Variants in KIAA0586 observed in about 807,000 individuals in gnomAD.
KIAA0586 encodes protein TALPID3.
A neutral mutation model predicts 169.8 loss-of-function variants in KIAA0586; 144 were observed. The observed-to-expected ratio is 0.85, with a 90% CI of 0.74 to 0.97. The LOEUF (loss-of-function observed/expected upper bound fraction) is 0.97, where lower values mean the gene tolerates loss of function less well. Among genes scored for constraint, KIAA0586 ranks in the 50% least tolerant of loss-of-function variants. KIAA0586 has a pLI of 0.00. For missense variants in KIAA0586, 1,854 were observed against 1,823.0 expected (o/e 1.02, Z -0.31); for synonymous variants, 625 against 612.4 (o/e 1.02, Z -0.30).
chr14:58,436,955 A>C (rs900085571), intron 4 of KIAA0586, among the ~76,000 whole-genome samples: 3 of 152,204 alleles, frequency 2.0e-5, no homozygotes, highest in Non-Finnish European at 4.4e-5. Flanking sequence ...TTTGGTCTTT[A>C]ATATAAGATA....
chr14:58,427,430 G>C, upstream of KIAA0586: 1 of 641,772 alleles, frequency 1.6e-6, no homozygotes, highest in Non-Finnish European at 2.6e-6. Context: ...AAGCGAAGCA[G>C]TGTCAACAGT....
At chr14:58,503,810 C>CAA (rs61688010) in intron 27 of KIAA0586, among the ~76,000 whole-genome samples, 1 of 60,620 alleles carries the variant, frequency 1.6e-5, no homozygotes, top group African/African-American at 5.5e-5. Flanking sequence ...GGGACAAAGG[C>CAA]AAAAAAAAAA....
chr14:58,470,782 A>G, intron 17 of KIAA0586, 59 bp downstream of exon 17: 1 of 788,080 alleles, frequency 1.3e-6, no homozygotes, highest in Non-Finnish European at 2.2e-6. Context: ...GATTTTAACT[A>G]ATTACTCCAT....
At chr14:58,463,122 T>C (rs1369166775) in intron 14 of KIAA0586, among the ~76,000 whole-genome samples, 2 of 15,112 alleles carry the variant, frequency 1.3e-4, no homozygotes, top group African/African-American at 2.7e-4. Context: ...TTCAGACACT[T>C]GCATGGTTCT....
At chr14:58,534,579 G>T (rs1047836267) in intron 29 of KIAA0586, among the ~76,000 whole-genome samples, 3 of 152,162 alleles carry the variant, frequency 2.0e-5, no homozygotes, top group Non-Finnish European at 4.4e-5. Context: ...AGTAAGCCCT[G>T]TGAGAGTTAA....
intron 27 of KIAA0586, 63 bp downstream of exon 27, chr14:58,499,023 A>T: frequency 7.2e-7 from 1 of 1,392,476 alleles, no homozygotes; most frequent in Admixed American, 2.9e-5. Context: ...AGTTGAGGAA[A>T]GTATACCTAT....
Position 58,456,771 on chromosome 14 carries a change from C to T in KIAA0586, c.1323C>T (p.Asp441=), listed in dbSNP as rs574658488. 1.9e-4 allele frequency: 297 copies of T among 1,603,700 alleles called. 3 individuals are homozygous for T. In the South Asian group the frequency reaches 3.2e-3, roughly 17 times the overall value. ...AGAAGTCTGATGATGTTCTTCATGACCTTGGCCAAAAAGAGAAAGAAACAA... is the reference window on the plus strand; with the variant it reads ...AGAAGTCTGATGATGTTCTTCATGATCTTGGCCAAAAAGAGAAAGAAACAA... ...TMQKSDDVLH[D]LGQKEKETNS... The change falls in exon 10 of 31, where the codon GAC becomes GAT. Residue 441 remains aspartate, a synonymous_variant. Transcript: ENST00000652326.
intron 8 of KIAA0586, among the ~76,000 whole-genome samples, chr14:58,451,507 G>A (rs1166289492): frequency 1.3e-5 from 2 of 152,126 alleles, no homozygotes; most frequent in African/African-American, 4.8e-5. Context: ...GATTACAGAT[G>A]TGAGCCACTG....
chr14:58,437,206 A>C (rs2140470949), intron 4 of KIAA0586, among the ~76,000 whole-genome samples: 1 of 152,232 alleles, frequency 6.6e-6, no homozygotes, highest in African/African-American at 2.4e-5. Flanking sequence ...GATGATTAGG[A>C]GATTGAATTG....
chr14:58,484,900 A>ATATATATATATATATTTT lies in KIAA0586; in HGVS notation c.3145-2092_3145-2091insTTTTATATATATATATAT, dbSNP rs1953531410. The stretch of plus-strand genomic sequence containing the variant: ...ATATTATATATATATTTATATATAT[A>ATATATATATATATATTTT]TATATATATATATATATATATATAT... On this transcript the variant is annotated intron_variant, in intron 21 of 30. Transcript: ENST00000652326. Among the ~76,000 whole-genome samples, 2 of 9,166 alleles carry ATATATATATATATATTTT rather than the reference A, an allele frequency of 2.2e-4. 1 individual carries two copies. The highest frequency in any genetic ancestry group is 4.1e-4 in the Non-Finnish European group (2 of 4,836). 6.0% of individuals were successfully genotyped at this position (9,166 alleles called of 152,430 possible). A position where few individuals can be genotyped will look rare whatever the true frequency, so the allele number is the denominator to read the frequency against.
At chr14:58,515,831 T>C (rs1467098858) in intron 29 of KIAA0586, among the ~76,000 whole-genome samples, 1 of 151,892 alleles carries the variant, frequency 6.6e-6, no homozygotes, top group Non-Finnish European at 1.5e-5. Flanking sequence ...AATTTGGGAG[T>C]TTTGTTTCTA....
At position 58,547,802 on chromosome 14, in the gene KIAA0586, C is replaced by G; in HGVS notation, c.4517C>G (p.Ser1506Cys). Residue 1506 changes from serine (S) to cysteine (C), a missense_variant, in exon 31 of 31, where the codon TCC becomes TGC. Transcript: ENST00000652326. ...VFSGGKAVPL[S>C]ASQMPPAKMS... is the part of the protein sequence containing the mutation. Reference sequence around the variant, plus strand: ...GCAGGTGGGAAAGCAGTGCCACTCTCCGCTTCACAGATGCCCCCTGCCAAG... The same window carrying G: ...GCAGGTGGGAAAGCAGTGCCACTCTGCGCTTCACAGATGCCCCCTGCCAAG... 6.2e-7 allele frequency: 1 copy of G among 1,613,086 alleles called. No homozygotes were observed. The highest frequency in any genetic ancestry group is 8.5e-7 in the Non-Finnish European group (1 of 1,179,328).
chr14:58,542,321 A>T (rs2140113519), intron 30 of KIAA0586, among the ~76,000 whole-genome samples: 1 of 152,276 alleles, frequency 6.6e-6, no homozygotes, highest in East Asian at 1.9e-4. Flanking sequence ...TACTAAAAAT[A>T]CAATAATTAG....
chr14:58,466,205 C>T (rs550120525), intron 15 of KIAA0586, among the ~76,000 whole-genome samples, 176 bp downstream of exon 15: 79 of 152,242 alleles, frequency 5.2e-4, no homozygotes, highest in African/African-American at 1.9e-3. Flanking sequence ...CGTGAGGCAC[C>T]GTGCCCAGCC....
At position 58,498,764 on chromosome 14, in the gene KIAA0586, T is replaced by G; in HGVS notation, c.3991-19T>G. 2 of 1,578,054 alleles carry G rather than the reference T, an allele frequency of 1.3e-6. No individual in the cohort carries two copies. The highest frequency in any genetic ancestry group is 1.7e-6 in the Non-Finnish European group (2 of 1,165,028). ...GATTTTAATATAATGGTTTTAACAA[T>G]TGTTTCTGCTTTTTAAAGGACTTGG... On this transcript the variant is annotated intron_variant, in intron 26 of 30. Transcript: ENST00000652326.
chr14:58,458,022 G>C, intron 11 of KIAA0586, 43 bp downstream of exon 11: 3 of 1,276,052 alleles, frequency 2.4e-6, no homozygotes, highest in Non-Finnish European at 3.3e-6. Flanking sequence ...GAGTCTGTCA[G>C]TTCCACTTTC....
In KIAA0586 at chr14:58,449,724, T is replaced by TA. The variant is rs566759690; in HGVS notation, c.962-854dup. On this transcript the variant is annotated intron_variant, in intron 7 of 30. Transcript: ENST00000652326. ...GTATGACCCAGCTGAGTGCCTTCTA[T>TA]AGCAGTGGACACTTTTTTCATAACT... 3.1e-3 allele frequency among the ~76,000 whole-genome samples: 472 copies of TA among 152,308 alleles called. 3 individuals are homozygous for TA. The highest frequency in any genetic ancestry group is 5.0e-3 in the Non-Finnish European group (342 of 68,020).
intron 26 of KIAA0586, among the ~76,000 whole-genome samples, chr14:58,496,435 CA>C (rs1202722600): frequency 3.9e-5 from 6 of 152,262 alleles, no homozygotes; most frequent in African/African-American, 1.4e-4. Flanking sequence ...GTAATATAGG[CA>C]TTGTGAAATA....
chr14:58,476,256 A>G (rs1379873161), intron 19 of KIAA0586, among the ~76,000 whole-genome samples: 1 of 152,182 alleles, frequency 6.6e-6, no homozygotes. Context: ...ATGAACACCT[A>G]TTATTTATAT....
Sources: gnomAD v4.1 joint callset for allele counts (sites outside exome capture counted in the v4.1 genomes callset) on GRCh38, gnomAD v4.1.1 for gene constraint, MANE v1.5 for transcripts, NCBI Gene and HGNC (gene_info 2026-07-23, HGNC 2026-07-21) for gene names.